ARHGEF10: variants seen among roughly 807,000 people sequenced by gnomAD.
ARHGEF10 encodes Rho guanine nucleotide exchange factor 10, also known as Rho guanine nucleotide exchange factor (GEF) 10.
In ARHGEF10, 140 loss-of-function variants were observed where a neutral mutation model predicts 147.4. The observed-to-expected ratio is 0.95, with a 90% confidence interval of 0.83 to 1.09. The LOEUF (loss-of-function observed/expected upper bound fraction) is 1.09, where lower values mean the gene tolerates loss of function less well. ARHGEF10 is among the 50% of genes least tolerant of loss of function. The pLI is 0.00. For missense variants in ARHGEF10, 2,222 were observed against 1,752.7 expected (o/e 1.27, Z -4.78); for synonymous variants, 902 against 695.8 (o/e 1.30, Z -4.67).
At chr8:1,823,448 CT>C (rs970420735), upstream of ARHGEF10, among the ~76,000 whole-genome samples, 11 of 129,504 alleles carry the variant, frequency 8.5e-5, no homozygotes, top group Non-Finnish European at 1.7e-4. Flanking sequence ...GGGCGATGTT[CT>C]GGGGGGGGGA....
intron 9 of ARHGEF10, among the ~76,000 whole-genome samples, chr8:1,881,343 C>T (rs901202675): frequency 4.6e-5 from 7 of 151,930 alleles, no homozygotes; most frequent in East Asian, 3.9e-4. Context: ...ATACTCTGTC[C>T]GGGGACCCTG....
At chr8:1,826,400 TTGTGTGTGTGCTGTG>T (rs61336374) in intron 1 of ARHGEF10, among the ~76,000 whole-genome samples, 69,570 of 151,348 alleles carry the variant, frequency 0.46, 16,237 homozygotes, top group Middle Eastern at 0.57. Flanking sequence ...GTGCGTGTGT[TTGTGTGTGTGCTGTG>T]TGTGTGTGCG....
intron 18 of ARHGEF10, among the ~76,000 whole-genome samples, chr8:1,922,568 G>A (rs4609237): frequency 0.59 from 90,231 of 151,954 alleles, 27,255 homozygotes; most frequent in East Asian, 0.89. Context: ...AACGCAGTGC[G>A]AGTCCCTGGG....
chr8:1,913,997 A>G (rs1464761288), intron 18 of ARHGEF10, among the ~76,000 whole-genome samples: 2 of 152,220 alleles, frequency 1.3e-5, no homozygotes, highest in African/African-American at 4.8e-5. Context: ...GTGAGGTCAC[A>G]GAGTTGAGGG....
chr8:1,842,774 G>C (rs983656203), intron 1 of ARHGEF10, among the ~76,000 whole-genome samples: 10 of 152,250 alleles, frequency 6.6e-5, no homozygotes, highest in African/African-American at 2.4e-4. Flanking sequence ...ACTCAAACTG[G>C]TGTCCTCGAA....
chr8:1,945,574 A>G lies in ARHGEF10; in HGVS notation c.3316A>G (p.Thr1106Ala). 6.2e-7 allele frequency: 1 copy of G among 1,614,196 alleles called. No individual in the cohort carries two copies. The highest frequency in any genetic ancestry group is 8.5e-7 in the Non-Finnish European group (1 of 1,180,034). The change falls in exon 27 of 29, where the codon ACG becomes GCG. Residue 1106 changes from threonine (T) to alanine (A), a missense_variant. Physicochemically the swap from Thr to Ala is moderately conservative, Grantham distance 58 (BLOSUM62 0). Transcript: ENST00000349830. ...GIWIAFTSGS[T>A]LRLFHTETLK... The stretch of plus-strand genomic sequence containing the variant: ...CTGGATTGCCTTCACCTCAGGGTCC[A>G]CGCTCCGCCTTTTTCACACGGAAAC...
At chr8:1,889,932 G>GA (rs1809307971) in intron 11 of ARHGEF10, among the ~76,000 whole-genome samples, 1 of 134,538 alleles carries the variant, frequency 7.4e-6, no homozygotes, top group South Asian at 2.5e-4. Context: ...TGAGTGGGGC[G>GA]AGGGTTGTGA....
At chr8:1,861,661 A>C (rs1255867068) in intron 4 of ARHGEF10, among the ~76,000 whole-genome samples, 1 of 152,064 alleles carries the variant, frequency 6.6e-6, no homozygotes, top group Non-Finnish European at 1.5e-5. Context: ...GAAAAATCTC[A>C]ATTTTGGATT....
chr8:1,937,555 T>G lies in ARHGEF10; in HGVS notation c.3222+3613T>G, dbSNP rs79003932. On this transcript the variant is annotated intron_variant, in intron 26 of 28. Coordinates refer to ENST00000349830, the MANE Select transcript of ARHGEF10 (RefSeq NM_014629.4). This position sits in a 1 kb window ranked among gnomAD's most constrained non-coding sequence, Gnocchi z 4.9. The stretch of plus-strand genomic sequence containing the variant: ...AGATATAGGGCTCTTTCCTTGCATT[T>G]TTAGTACCAAAATAACTAAATACAT... Among the ~76,000 whole-genome samples the G allele has an allele frequency of 1.5e-4, 23 of 152,358 alleles. No individual in the cohort carries two copies. In the East Asian group the frequency reaches 4.4e-3, roughly 29 times the overall value.
Position 1,905,748 on chromosome 8 carries a change from C to T in ARHGEF10, c.1967+32C>T, listed in dbSNP as rs755783982. 4 of 1,610,386 alleles carry T rather than the reference C, an allele frequency of 2.5e-6. No individual in the cohort carries two copies. The South Asian group carries it at 4.4e-5, about 18-fold the overall frequency. Reference sequence around the variant, plus strand: ...GCATAAATTCTCTATAGTAGTCCTACCATCATCACATGTTACCTTTGCCTA... The same window carrying T: ...GCATAAATTCTCTATAGTAGTCCTATCATCATCACATGTTACCTTTGCCTA... On this transcript the variant is annotated intron_variant, in intron 17 of 28. Coordinates refer to ENST00000349830, the MANE Select transcript of ARHGEF10 (RefSeq NM_014629.4).
At chr8:1,857,165 G>A (rs972898195) in intron 2 of ARHGEF10, among the ~76,000 whole-genome samples, 7 of 152,136 alleles carry the variant, frequency 4.6e-5, no homozygotes, top group African/African-American at 1.7e-4. Flanking sequence ...ATATATCGGT[G>A]TTCATATTTG....
chr8:1,900,850 C>T (rs1810395018), intron 15 of ARHGEF10, among the ~76,000 whole-genome samples: 1 of 152,126 alleles, frequency 6.6e-6, no homozygotes, highest in South Asian at 2.1e-4. Flanking sequence ...CTCCTCCCTC[C>T]TTGCCTCGAG....
rs2129274994 is a variant in ARHGEF10, at chr8:1,945,579, C to T, written c.3321C>T (p.Leu1107=). Residue 1107 remains leucine, a synonymous_variant, in exon 27 of 29, where the codon CTC becomes CTT. Coordinates refer to ENST00000349830, the MANE Select transcript of ARHGEF10 (RefSeq NM_014629.4). ...IWIAFTSGST[L]RLFHTETLKH... is the part of the protein sequence containing the mutation. ...TTGCCTTCACCTCAGGGTCCACGCT[C>T]CGCCTTTTTCACACGGAAACTCTCA... is the stretch of plus-strand genomic sequence containing the variant. 1 of 1,614,256 alleles carries T rather than the reference C, an allele frequency of 6.2e-7. No homozygotes were observed. The highest frequency in any genetic ancestry group is 8.5e-7 in the Non-Finnish European group (1 of 1,180,044).
At position 1,882,363 on chromosome 8, in the gene ARHGEF10, C is replaced by T. The variant is rs944067022; in HGVS notation, c.961-272C>T. Among the ~76,000 whole-genome samples, 7 of 152,212 alleles carry T rather than the reference C, an allele frequency of 4.6e-5. No homozygotes were observed. The East Asian group carries it at 1.3e-3, about 29-fold the overall frequency. ...ATGTTAGTGACTCACCTGTGACCCC[C>T]ACGTAGCTCTTTGTGTGAGTGGATC... is the stretch of plus-strand genomic sequence containing the variant. On this transcript the variant is annotated intron_variant, in intron 9 of 28. Transcript: ENST00000349830.
In ARHGEF10 at chr8:1,896,406, A is replaced by G. The variant is rs1340265776; in HGVS notation, c.1514A>G (p.Lys505Arg). 6.2e-7 allele frequency: 1 copy of G among 1,614,062 alleles called. No homozygotes were observed. Among genetic ancestry groups the G allele is most frequent in the Admixed American group, 1.7e-5 (1 of 60,026 alleles). ...TTCAGCACAGCCGTGGCAGTCCTCA[A>G]GAAAACATGTGCCACAAAGCCCGCT... ...NNFSTAVAVLKKTCATKPAFL... is the reference protein window; with the variant it reads ...NNFSTAVAVLRKTCATKPAFL... The change falls in exon 14 of 29, where the codon AAG (lysine) becomes AGG (arginine). Residue 505 changes from lysine to arginine, a missense_variant. By Grantham distance (26) the Lys-to-Arg change is conservative (BLOSUM62 2). Transcript: ENST00000349830.
chr8:1,951,918 G>GCCACCGTGAGGCAGGGTCTTCCCTGTAA lies in ARHGEF10; in HGVS notation c.3398-775_3398-774insAGGGTCTTCCCTGTAACCACCGTGAGGC, dbSNP rs1815082495. On this transcript the variant is annotated intron_variant, in intron 27 of 28. Transcript: ENST00000349830. ...GCAGTGAGGTGGGGTCTTCCTTGTA[G>GCCACCGTGAGGCAGGGTCTTCCCTGTAA]CCACCGTGAGGCGGGGTCTTCCCTG... Among the ~76,000 whole-genome samples, 16 of 135,528 alleles carry GCCACCGTGAGGCAGGGTCTTCCCTGTAA rather than the reference G, an allele frequency of 1.2e-4. No homozygotes were observed. The South Asian group carries it at 2.7e-3, about 23-fold the overall frequency. The allele number at this position is 135,528 out of a possible 152,430, so 88.9% of individuals were successfully genotyped here. A position where few individuals can be genotyped will look rare whatever the true frequency, so the allele number is the denominator to read the frequency against.
intron 26 of ARHGEF10, among the ~76,000 whole-genome samples, chr8:1,935,340 C>T (rs1662863393): frequency 1.3e-5 from 2 of 152,114 alleles, no homozygotes; most frequent in Non-Finnish European, 2.9e-5. Flanking sequence ...TGGGGGCTTA[C>T]TCTTGGTGCC....
At chr8:1,906,327 T>C (rs1244105391) in intron 17 of ARHGEF10, among the ~76,000 whole-genome samples, 1 of 152,210 alleles carries the variant, frequency 6.6e-6, no homozygotes, top group Non-Finnish European at 1.5e-5. Flanking sequence ...CAATTCGTCA[T>C]GTCTTGCAAG....
chr8:1,939,736 G>T (rs1475531271), intron 26 of ARHGEF10, among the ~76,000 whole-genome samples: 3 of 152,246 alleles, frequency 2.0e-5, no homozygotes, highest in African/African-American at 7.2e-5. Context: ...CCAAGGGGCT[G>T]CTGGAAGCAG....
Sources: gnomAD v4.1 joint callset for allele counts (sites outside exome capture counted in the v4.1 genomes callset) on GRCh38, gnomAD v4.1.1 for gene constraint, Gnocchi (gnomAD v3.1) non-coding constraint, MANE v1.5 for transcripts, NCBI Gene and HGNC (gene_info 2026-07-23, HGNC 2026-07-21) for gene names.